SPATA13: variants seen among roughly 807,000 people sequenced by gnomAD.
The protein encoded by SPATA13 is spermatogenesis associated 13, also known as spermatogenesis-associated protein 13.
SPATA13 carries 50 observed loss-of-function variants against 104.0 expected under a neutral mutation model. The ratio of observed to expected loss-of-function variants is 0.48; its 90% CI spans 0.38 to 0.61. The LOEUF (loss-of-function observed/expected upper bound fraction) is 0.61. Ranked by LOEUF, SPATA13 falls within the 20% of genes least tolerant of loss-of-function variation. The pLI is 0.00. For synonymous variants in SPATA13, 606 were observed against 667.5 expected, an observed-to-expected ratio of 0.91 and a Z score of 1.42; for missense variants, 1,524 against 1,690.6, an observed-to-expected ratio of 0.90 and a Z score of 1.73.
At chr13:24,035,025 A>T (rs951026482) in intron 3 of SPATA13, 7 of 152,246 alleles carry the variant, frequency 4.6e-5, no homozygotes, top group African/African-American at 1.7e-4. Flanking sequence ...GCTCTACATG[A>T]CACATCAACT....
upstream of SPATA13, chr13:24,160,669 C>A: frequency 1.2e-6 from 1 of 857,296 alleles, no homozygotes; most frequent in Non-Finnish European, 1.3e-6. Context: ...GGGGAAGAGC[C>A]GGGCTGGGGG....
At chr13:24,167,527 G>A (rs1178201980) in intron 1 of SPATA13, among the ~76,000 whole-genome samples, 2 of 152,200 alleles carry the variant, frequency 1.3e-5, no homozygotes, top group African/African-American at 4.8e-5. Flanking sequence ...AACAGTACAA[G>A]CTTGAATTCT....
intron 3 of SPATA13, among the ~76,000 whole-genome samples, chr13:24,035,542 T>C (rs1877646123): frequency 6.6e-6 from 1 of 152,226 alleles, no homozygotes; most frequent in Admixed American, 6.5e-5. Flanking sequence ...AAGGACAGGT[T>C]GGTTTTCTGG....
intron 4 of SPATA13, among the ~76,000 whole-genome samples, chr13:24,276,508 G>A (rs1396392141): frequency 6.6e-6 from 1 of 152,190 alleles, no homozygotes; most frequent in Non-Finnish European, 1.5e-5. Flanking sequence ...AGGAGAGGAA[G>A]AAGAGGAAGT....
At chr13:24,181,049 G>A (rs1196786456) in intron 1 of SPATA13, among the ~76,000 whole-genome samples, 3 of 152,088 alleles carry the variant, frequency 2.0e-5, no homozygotes, top group African/African-American at 7.2e-5. Flanking sequence ...GTGTTTCTGT[G>A]TCTAAACATG....
chr13:24,198,745 G>T (rs1034512004), intron 1 of SPATA13, among the ~76,000 whole-genome samples: 1 of 152,128 alleles, frequency 6.6e-6, no homozygotes, highest in East Asian at 1.9e-4. Context: ...GCTATCCCAC[G>T]TGCTGCCACG....
chr13:24,190,535 G>A (rs770173869), intron 1 of SPATA13, among the ~76,000 whole-genome samples: 3 of 151,096 alleles, frequency 2.0e-5, no homozygotes, highest in Non-Finnish European at 4.4e-5. Context: ...GAATTTGGAA[G>A]AAGTGGATTC....
intron 2 of SPATA13, among the ~76,000 whole-genome samples, chr13:24,008,341 T>C (rs1467906235): frequency 6.6e-6 from 1 of 152,216 alleles, no homozygotes; most frequent in African/African-American, 2.4e-5. Flanking sequence ...AGAGAACACC[T>C]GCAAAGCCTT....
rs1176845742 is a variant in SPATA13 at position 24,286,219 on chromosome 13, C to T, written c.2307C>T (p.Ile769=). Residue 769 remains isoleucine, a synonymous_variant, in exon 6 of 13, where the codon ATC becomes ATT. Transcript: ENST00000382108. The surrounding 1 kb of genome is among the most constrained non-coding windows in gnomAD (Gnocchi z 4.9). ...GGEQLAINEL[I]SDGNVVCAEA... ...ACCCCACTGTCTCCTTTCAGCTGAT[C>T]AGTGATGGCAACGTGGTCTGCGCAG... 2 of 1,610,694 alleles carry T rather than the reference C, an allele frequency of 1.2e-6. No homozygotes were observed. Among genetic ancestry groups the T allele is most frequent in the South Asian group, 2.2e-5 (2 of 90,716 alleles).
chr13:24,287,626 A>G (rs140274037), intron 7 of SPATA13, among the ~76,000 whole-genome samples: 37 of 152,358 alleles, frequency 2.4e-4, no homozygotes, highest in African/African-American at 8.7e-4. Context: ...CAACTGACAG[A>G]TGAGATCCTG....
At chr13:24,217,438 G>A (rs1871316991) in intron 1 of SPATA13, among the ~76,000 whole-genome samples, 1 of 152,174 alleles carries the variant, frequency 6.6e-6, no homozygotes, top group South Asian at 2.1e-4. Flanking sequence ...GACCTGAGAT[G>A]TGCAAAGCCA....
Position 24,223,952 on chromosome 13 carries a change from C to A in SPATA13, c.1023C>A (p.Ala341=), listed in dbSNP as rs370262806. 55 of 1,550,118 alleles carry A rather than the reference C, an allele frequency of 3.5e-5. No homozygotes were observed. The highest frequency in any genetic ancestry group is 4.4e-5 in the Non-Finnish European group (50 of 1,146,144). Residue 341 remains alanine (A), a synonymous_variant, in exon 2 of 13, where the codon GCC becomes GCA. Transcript: ENST00000382108. The part of the protein sequence containing the change: ...AWRRESPRSG[A]PSPGEASLRL... ...GGAGGGAGAGTCCTAGGAGTGGGGC[C>A]CCATCCCCTGGAGAGGCCAGCCTGA...
chr13:24,094,145 G>A (rs1457492397), intron 3 of SPATA13, among the ~76,000 whole-genome samples: 1 of 152,136 alleles, frequency 6.6e-6, no homozygotes, highest in Non-Finnish European at 1.5e-5. Flanking sequence ...GCACATTTTG[G>A]GTGTAAAGCC....
At chr13:24,108,450 G>A (rs1483017506) in intron 3 of SPATA13, among the ~76,000 whole-genome samples, 3 of 152,134 alleles carry the variant, frequency 2.0e-5, no homozygotes, top group Non-Finnish European at 4.4e-5. Flanking sequence ...TGGGTGCGTG[G>A]GCTTTGAGGA....
intron 2 of SPATA13, among the ~76,000 whole-genome samples, chr13:24,242,264 G>A (rs1872880754): frequency 6.6e-6 from 1 of 152,162 alleles, no homozygotes; most frequent in South Asian, 2.1e-4. Flanking sequence ...AACCAACACA[G>A]AAGAGTCCAA....
rs1016749810 is a variant in SPATA13, at chr13:24,249,757, G to A, written c.1934G>A (p.Arg645Gln). The A allele has an allele frequency of 8.1e-6, 13 of 1,613,980 alleles. No homozygotes were observed. The highest frequency in any genetic ancestry group is 1.3e-5 in the African/African-American group (1 of 74,924). Residue 645 changes from arginine to glutamine, a missense_variant, in exon 3 of 13, where the codon CGG (arginine) becomes CAG (glutamine). By Grantham distance (43) the Arg-to-Gln change is conservative. Around this residue, in one of 2 missense-constraint regions of SPATA13, gnomAD observed 1,089 missense variants for 1,135.9 expected, o/e 0.96. Transcript: ENST00000382108. ...NAPVGCPKGA[R>Q]RRRPISVIGG... ...CCAGTGGGCTGCCCCAAAGGAGCCC[G>A]GAGAAGGCGCCCCATTTCCGTGATA...
At position 24,274,367 on chromosome 13, in the gene SPATA13, C is replaced by T. The variant is rs776595389; in HGVS notation, c.2165-9768C>T. Among the ~76,000 whole-genome samples, 64 of 152,234 alleles carry T rather than the reference C, an allele frequency of 4.2e-4. 1 individual carries two copies. The highest frequency in any genetic ancestry group is 8.2e-4 in the Non-Finnish European group (56 of 68,040). On this transcript the variant is annotated intron_variant, in intron 4 of 12. Coordinates refer to ENST00000382108, the MANE Select transcript of SPATA13 (RefSeq NM_001166271.3). ...CCAACATCCTTCCCCACTACCACCA[C>T]CCAACCTGACTCAGTGGCCCAGGGC...
At chr13:24,194,625 A>G (rs1869947737) in intron 1 of SPATA13, among the ~76,000 whole-genome samples, 1 of 152,210 alleles carries the variant, frequency 6.6e-6, no homozygotes, top group Non-Finnish European at 1.5e-5. Flanking sequence ...GTAGGTCCTC[A>G]TTGATTCACC....
chr13:24,042,107 C>T (rs1354306228), intron 3 of SPATA13, among the ~76,000 whole-genome samples: 4 of 145,760 alleles, frequency 2.7e-5, no homozygotes, highest in African/African-American at 1.1e-4. Context: ...CCTTCAGGCA[C>T]ATTTGCTGAG....
Sources: gnomAD v4.1 joint callset for allele counts (sites outside exome capture counted in the v4.1 genomes callset) on GRCh38, gnomAD v4.1.1 for gene constraint, gnomAD v4.1.1 regional missense constraint, Gnocchi (gnomAD v3.1) non-coding constraint, MANE v1.5 for transcripts, NCBI Gene and HGNC (gene_info 2026-07-23, HGNC 2026-07-21) for gene names.